The following KIF18A variants were observed in gnomAD, a reference collection of about 807,000 sequenced individuals.
KIF18A encodes kinesin-like protein KIF18A.
A neutral mutation model predicts 103.3 loss-of-function variants in KIF18A; 67 were observed. The ratio of observed to expected loss-of-function variants is 0.65; its 90% CI spans 0.53 to 0.79. KIF18A has a LOEUF of 0.79. KIF18A is among the 30% of genes least tolerant of loss of function. The pLI, the probability that KIF18A is intolerant of heterozygous loss-of-function variation, is 0.00. For missense variants in KIF18A, 1,032 were observed against 1,062.5 expected (o/e 0.97, Z 0.40); for synonymous variants, 367 against 355.5 (o/e 1.03, Z -0.36).
chr11:28,084,553 G>T, intron 7 of KIF18A, 79 bp downstream of exon 7: 2 of 1,210,218 alleles, frequency 1.7e-6, no homozygotes, highest in Non-Finnish European at 2.3e-6. Context: ...AACATAACCT[G>T]AATTAATACT....
At chr11:28,081,273 A>G (rs1408342390) in intron 9 of KIF18A, among the ~76,000 whole-genome samples, 5 of 152,190 alleles carry the variant, frequency 3.3e-5, no homozygotes, top group Non-Finnish European at 7.4e-5. Flanking sequence ...TAGACAAATC[A>G]GCTTTTAATT....
intron 11 of KIF18A, 56 bp from the exon 12 acceptor site, chr11:28,062,572 AT>A: frequency 7.4e-7 from 1 of 1,354,714 alleles, no homozygotes; most frequent in Non-Finnish European, 9.9e-7. Flanking sequence ...TTGAAATTAA[AT>A]CAGTTTAATA....
intron 13 of KIF18A, among the ~76,000 whole-genome samples, chr11:28,046,976 C>T (rs1378869700): frequency 1.3e-5 from 2 of 148,448 alleles, no homozygotes; most frequent in African/African-American, 2.5e-5. Context: ...ATCGCTTGAA[C>T]CTGGGATGCA....
intron 10 of KIF18A, among the ~76,000 whole-genome samples, chr11:28,069,679 C>CA (rs1300406424): frequency 1.3e-5 from 2 of 151,596 alleles, no homozygotes; most frequent in Non-Finnish European, 2.9e-5. Context: ...ACGACCAAAT[C>CA]AAAGACTATA....
At chr11:28,031,539 G>C (rs1273889296) in intron 15 of KIF18A, among the ~76,000 whole-genome samples, 12 of 152,042 alleles carry the variant, frequency 7.9e-5, no homozygotes, top group Non-Finnish European at 2.9e-5. Context: ...TGTGGGGTAG[G>C]GGGAGCGCAG....
At chr11:28,079,865 C>T (rs149199121) in intron 9 of KIF18A, among the ~76,000 whole-genome samples, 104 of 152,102 alleles carry the variant, frequency 6.8e-4, no homozygotes, top group African/African-American at 2.3e-3. Context: ...ATTTGGAAAA[C>T]TGTCTTAGCT....
At chr11:28,073,605 A>T (rs1370188219) in intron 10 of KIF18A, among the ~76,000 whole-genome samples, 2 of 152,126 alleles carry the variant, frequency 1.3e-5, no homozygotes, top group Non-Finnish European at 2.9e-5. Flanking sequence ...ATAATATTAG[A>T]TCTATCTCAT....
chr11:28,045,849 A>C (rs1404513838), intron 13 of KIF18A, among the ~76,000 whole-genome samples: 1 of 152,082 alleles, frequency 6.6e-6, no homozygotes, highest in African/African-American at 2.4e-5. Flanking sequence ...ACAAATTTAC[A>C]AGAAAAAAAC....
chr11:28,086,269 A>G (rs1851227676), intron 6 of KIF18A, among the ~76,000 whole-genome samples: 1 of 152,188 alleles, frequency 6.6e-6, no homozygotes, highest in African/African-American at 2.4e-5. Context: ...CATGGCTTAG[A>G]GCTACTTTTC....
intron 13 of KIF18A, among the ~76,000 whole-genome samples, chr11:28,051,956 C>T (rs1850716983): frequency 3.3e-5 from 5 of 152,086 alleles, no homozygotes; most frequent in Admixed American, 2.6e-4. Context: ...TCTTCCTTAT[C>T]TCTCTGAAGG....
intron 15 of KIF18A, among the ~76,000 whole-genome samples, chr11:28,029,217 A>T (rs1850362628): frequency 6.6e-6 from 1 of 152,144 alleles, no homozygotes; most frequent in Admixed American, 6.6e-5. Flanking sequence ...CCTGGCAGAG[A>T]CACAACAAAA....
rs1339110992 is a variant in KIF18A, at chr11:28,084,789, G to C, written c.917C>G (p.Pro306Arg). The change falls in exon 7 of 17, where the codon CCT becomes CGT. Residue 306 changes from proline to arginine, a missense_variant. Transcript: ENST00000263181. ...GCGAGTAAGCTTACTATTTCTGTAA[G>C]GGATATGCTGATTCTTTCTCTGAAA... is the stretch of plus-strand genomic sequence containing the variant. ...ADSKRKNQHI[P>R]YRNSKLTRLL... is the part of the protein sequence containing the mutation. The C allele has an allele frequency of 6.2e-7, 1 of 1,610,040 alleles. No homozygotes were observed. The highest frequency in any genetic ancestry group is 1.1e-5 in the South Asian group (1 of 90,166).
At chr11:28,080,506 G>T (rs1851152132) in intron 9 of KIF18A, among the ~76,000 whole-genome samples, 2 of 151,938 alleles carry the variant, frequency 1.3e-5, no homozygotes, top group African/African-American at 4.8e-5. Context: ...ATCTGTCATG[G>T]TGATTTGTGA....
chr11:28,057,237 T>C lies in KIF18A; in HGVS notation c.1948+1689A>G, dbSNP rs541337017. Among the ~76,000 whole-genome samples the C allele has an allele frequency of 1.1e-3, 173 of 152,106 alleles. 2 individuals are homozygous for C. Among genetic ancestry groups the C allele is most frequent in the Non-Finnish European group, 2.0e-3 (139 of 67,958 alleles). On this transcript the variant is annotated intron_variant, in intron 13 of 16. Coordinates refer to ENST00000263181, the MANE Select transcript of KIF18A (RefSeq NM_031217.4). ...TACACATTTTAAAAGACTATGCAGC[T>C]GGGCGCGGTGGCTCACGCCTGTAAT...
Position 28,058,074 on chromosome 11 carries a change from AGAGTT to A in KIF18A, c.1948+847_1948+851del, listed in dbSNP as rs1321944208. 4.6e-5 allele frequency among the ~76,000 whole-genome samples: 7 copies of A among 152,292 alleles called. 1 individual carries two copies. Among genetic ancestry groups the A allele is most frequent in the African/African-American group, 1.7e-4 (7 of 41,562 alleles). On this transcript the variant is annotated intron_variant, in intron 13 of 16. Coordinates refer to ENST00000263181, the MANE Select transcript of KIF18A (RefSeq NM_031217.4). ...AGGGCATAAAATTGAGGTTCTGAGA[AGAGTT>A]GAAGGTGGCAGTCTACTTCTTTTCT...
intron 13 of KIF18A, among the ~76,000 whole-genome samples, chr11:28,046,329 A>G (rs1277162977): frequency 2.0e-5 from 3 of 149,854 alleles, no homozygotes; most frequent in Admixed American, 1.3e-4. Flanking sequence ...GGATTAAGAA[A>G]ATGTGGCACA....
At chr11:28,027,706 A>G (rs926728122) in intron 15 of KIF18A, among the ~76,000 whole-genome samples, 13 of 151,982 alleles carry the variant, frequency 8.6e-5, no homozygotes, top group Non-Finnish European at 1.8e-4. Context: ...AAGTCATAAT[A>G]AAGTCTCCCA....
intron 7 of KIF18A, among the ~76,000 whole-genome samples, chr11:28,083,581 T>C (rs955037202): frequency 2.0e-5 from 3 of 152,156 alleles, no homozygotes; most frequent in African/African-American, 4.8e-5. Flanking sequence ...CACTGAGTTC[T>C]TACTATATTT....
At chr11:28,066,556 C>T (rs2133535069) in intron 11 of KIF18A, among the ~76,000 whole-genome samples, 2 of 151,672 alleles carry the variant, frequency 1.3e-5, no homozygotes, top group South Asian at 2.1e-4. Flanking sequence ...TTAAGATGGA[C>T]ACAACGTTTA....
Sources: allele counts gnomAD v4.1 joint callset (sites outside exome capture counted in the v4.1 genomes callset), GRCh38; gene constraint gnomAD v4.1.1; transcripts MANE v1.5; gene names NCBI Gene and HGNC (gene_info 2026-07-23, HGNC 2026-07-21).